CERS3: variants seen among roughly 807,000 people sequenced by gnomAD.
CERS3 encodes the protein ceramide synthase 3, also known as LAG1 homolog, ceramide synthase 3.
Under a neutral mutation model 50.3 loss-of-function variants are expected in CERS3, and 33 were observed. That is an observed-to-expected ratio of 0.66 (90% CI 0.50 to 0.88). CERS3 has a LOEUF of 0.88. CERS3 is among the 40% of genes least tolerant of loss of function. The pLI is 0.00. For synonymous variants in CERS3, 176 were observed against 155.2 expected (o/e 1.13, Z -0.99); for missense variants, 470 against 460.3 (o/e 1.02, Z -0.19).
chr15:100,535,278 C>T (rs887858992), intron 1 of CERS3, among the ~76,000 whole-genome samples: 1 of 152,132 alleles, frequency 6.6e-6, no homozygotes, highest in African/African-American at 2.4e-5. Context: ...ATTTTGAGTA[C>T]AAGGATTGTG....
At chr15:100,439,403 G>A (rs952466812) in intron 11 of CERS3, among the ~76,000 whole-genome samples, 4 of 151,860 alleles carry the variant, frequency 2.6e-5, no homozygotes, top group African/African-American at 9.7e-5. Context: ...TCCAAATTTT[G>A]TATTCTTTGC....
At chr15:100,486,668 G>A (rs1001048127) in intron 4 of CERS3, among the ~76,000 whole-genome samples, 1 of 152,152 alleles carries the variant, frequency 6.6e-6, no homozygotes, top group Admixed American at 6.5e-5. Flanking sequence ...GACATATTCT[G>A]GCATGCTGCT....
Position 100,402,812 on chromosome 15 carries a change from C to T in CERS3, c.1053G>A (p.Glu351=), listed in dbSNP as rs2030657552. Residue 351 remains glutamate (E), a synonymous_variant, in exon 12 of 12, where the codon GAG becomes GAA. Coordinates refer to ENST00000679737, the MANE Select transcript of CERS3 (RefSeq NM_001378789.1). ...DDEDYEEEEE[E]EEEEATKGKE... is the part of the protein sequence containing the mutation. ...TGCCTTTGGTAGCCTCTTCTTCTTC[C>T]TCTTCCTCTTCCTCTTCATAATCCT... is the stretch of plus-strand genomic sequence containing the variant. 2 of 1,612,236 alleles carry T rather than the reference C, an allele frequency of 1.2e-6. No individual in the cohort carries two copies. Among genetic ancestry groups the T allele is most frequent in the Non-Finnish European group, 1.7e-6 (2 of 1,179,208 alleles).
chr15:100,463,926 C>T (rs886795118), intron 10 of CERS3, among the ~76,000 whole-genome samples: 3 of 152,190 alleles, frequency 2.0e-5, no homozygotes, highest in Non-Finnish European at 1.5e-5. Context: ...TCCCTCATCC[C>T]GGGTCCCCAC....
At chr15:100,417,688 A>G (rs1324275324) in intron 11 of CERS3, among the ~76,000 whole-genome samples, 1 of 151,978 alleles carries the variant, frequency 6.6e-6, no homozygotes, top group African/African-American at 2.4e-5. Flanking sequence ...CCTGTCTGAC[A>G]GCTTTGAAGA....
chr15:100,439,448 G>A (rs2033580710), intron 11 of CERS3, among the ~76,000 whole-genome samples: 1 of 152,006 alleles, frequency 6.6e-6, no homozygotes, highest in Admixed American at 6.6e-5. Flanking sequence ...TTTTCCATGT[G>A]TAAGGAATTG....
intron 10 of CERS3, among the ~76,000 whole-genome samples, chr15:100,457,613 T>C (rs2034418983): frequency 6.6e-6 from 1 of 152,250 alleles, no homozygotes; most frequent in Non-Finnish European, 1.5e-5. Context: ...CATTTATGAA[T>C]AGAACTGCTA....
intron 11 of CERS3, among the ~76,000 whole-genome samples, chr15:100,406,928 C>G (rs1225478878): frequency 2.0e-5 from 3 of 152,180 alleles, no homozygotes; most frequent in Non-Finnish European, 4.4e-5. Flanking sequence ...ACATGGATGG[C>G]AGCGGGCAAA....
intron 1 of CERS3, among the ~76,000 whole-genome samples, chr15:100,537,419 A>G (rs995880609): frequency 6.6e-6 from 1 of 152,240 alleles, no homozygotes; most frequent in Non-Finnish European, 1.5e-5. Context: ...ACTGCTATAA[A>G]GAACTGCTTG....
intron 11 of CERS3, among the ~76,000 whole-genome samples, chr15:100,423,384 G>A (rs2587836): frequency 0.37 from 55,656 of 152,060 alleles, 10,842 homozygotes; most frequent in East Asian, 0.55. Flanking sequence ...CCCATCAGTA[G>A]TGGACTGGAT....
At chr15:100,533,168 C>T (rs1040881447), upstream of CERS3, among the ~76,000 whole-genome samples, 3 of 152,188 alleles carry the variant, frequency 2.0e-5, no homozygotes, top group Non-Finnish European at 4.4e-5. Flanking sequence ...AACTGCTTTC[C>T]TGCATCCAGA....
intron 11 of CERS3, among the ~76,000 whole-genome samples, chr15:100,425,297 T>C (rs917756132): frequency 5.3e-5 from 8 of 152,168 alleles, no homozygotes; most frequent in Non-Finnish European, 1.0e-4. Context: ...GCTTGCACTA[T>C]GCACCCGGAA....
intron 3 of CERS3, among the ~76,000 whole-genome samples, chr15:100,498,647 C>A (rs905031625): frequency 3.3e-5 from 5 of 152,168 alleles, no homozygotes; most frequent in African/African-American, 1.2e-4. Flanking sequence ...CAGACGGCCC[C>A]CCCTTTGTCT....
intron 11 of CERS3, among the ~76,000 whole-genome samples, chr15:100,433,864 T>A (rs1267161496): frequency 6.6e-6 from 1 of 152,262 alleles, no homozygotes; most frequent in Non-Finnish European, 1.5e-5. Context: ...TCTCCCCCAT[T>A]ACTCTCTTCC....
chr15:100,539,264 A>C lies in CERS3; in HGVS notation c.-355+5387T>G, dbSNP rs938646554. Among the ~76,000 whole-genome samples, 31 of 152,162 alleles carry C rather than the reference A, an allele frequency of 2.0e-4. 1 individual carries two copies. The highest frequency in any genetic ancestry group is 1.3e-3 in the Admixed American group (20 of 15,274). ...TCCTCCTGTCTTCTGAGCCCTCCAA[A>C]GTGTTCCAACCCCTGCCTGCTACCT... On this transcript the variant is annotated intron_variant, in intron 1 of 12. Transcript: ENST00000284382.
intron 7 of CERS3, among the ~76,000 whole-genome samples, chr15:100,478,191 A>C (rs1182712488): frequency 6.6e-6 from 1 of 152,226 alleles, no homozygotes; most frequent in East Asian, 1.9e-4. Context: ...AAATAAAATA[A>C]AAATTTGAGA....
chr15:100,524,094 G>A (rs912562975), intron 1 of CERS3, among the ~76,000 whole-genome samples: 2 of 151,992 alleles, frequency 1.3e-5, no homozygotes, highest in Admixed American at 6.6e-5. Flanking sequence ...TTGGTCTATT[G>A]TTCCCTAGTT....
chr15:100,421,687 G>A (rs1334112828), intron 11 of CERS3, among the ~76,000 whole-genome samples: 2 of 149,620 alleles, frequency 1.3e-5, no homozygotes, highest in African/African-American at 5.0e-5. Context: ...CAAACTATAC[G>A]ACAAGGCTAC....
At chr15:100,456,944 GAAA>G (rs3079239) in intron 10 of CERS3, among the ~76,000 whole-genome samples, 3 of 135,980 alleles carry the variant, frequency 2.2e-5, no homozygotes, top group Admixed American at 7.5e-5. Context: ...AAGATTCCGT[GAAA>G]AAAAAAAAAA....
Sources: gnomAD v4.1 joint callset for allele counts (sites outside exome capture counted in the v4.1 genomes callset) on GRCh38, gnomAD v4.1.1 for gene constraint, MANE v1.5 for transcripts, NCBI Gene and HGNC (gene_info 2026-07-23, HGNC 2026-07-21) for gene names.